Variants in KCNQ3 observed in about 807,000 individuals in gnomAD.
KCNQ3 encodes the protein potassium voltage-gated channel subfamily KQT member 3.
Under a neutral mutation model 92.5 loss-of-function variants are expected in KCNQ3, and 30 were observed. The observed-to-expected ratio is 0.32, with a 90% CI of 0.24 to 0.44. The LOEUF (loss-of-function observed/expected upper bound fraction) is 0.44, where lower values mean the gene tolerates loss of function less well. KCNQ3 is among the 20% of genes least tolerant of loss of function. The probability of loss-of-function intolerance (pLI) is 1.00; values close to 1 mark genes in which losing one functional copy is unlikely to be tolerated. For synonymous variants in KCNQ3, 450 were observed against 468.8 expected (o/e 0.96, Z 0.52); for missense variants, 913 against 1,140.3 (o/e 0.80, Z 2.87).
chr8:132,480,633 C>T lies in KCNQ3; in HGVS notation c.-101G>A. The T allele has an allele frequency of 8.6e-7, 1 of 1,161,756 alleles. No homozygotes were observed. The highest frequency in any genetic ancestry group is 1.1e-6 in the Non-Finnish European group (1 of 922,068). The allele number at this position is 1,161,756 out of a possible 1,614,324, so 72.0% of individuals were successfully genotyped here. A position where few individuals can be genotyped will look rare whatever the true frequency, so the allele number is the denominator to read the frequency against. ...GAGGCGGCGGCGGCGGCTGCAAGCC[C>T]GGGAACTCCAATGCCATGATCCGCG... On this transcript the variant is annotated 5_prime_UTR_variant, in exon 1 of 15. Transcript: ENST00000388996.
At chr8:132,287,222 A>G (rs1288470294) in intron 1 of KCNQ3, among the ~76,000 whole-genome samples, 1 of 152,202 alleles carries the variant, frequency 6.6e-6, no homozygotes, top group Non-Finnish European at 1.5e-5. Context: ...CAGTTCAAAG[A>G]CTGGCTGAGA....
chr8:132,214,994 T>G (rs1376713673), intron 1 of KCNQ3, among the ~76,000 whole-genome samples: 1 of 152,248 alleles, frequency 6.6e-6, no homozygotes, highest in Non-Finnish European at 1.5e-5. Context: ...TTCTGGGACA[T>G]GTGATCACTT....
intron 1 of KCNQ3, among the ~76,000 whole-genome samples, chr8:132,409,188 T>C (rs577223684): frequency 1.3e-5 from 2 of 152,296 alleles, no homozygotes; most frequent in Admixed American, 6.5e-5. Context: ...ATAGCTTTAG[T>C]AGTTTTCAAA....
At chr8:132,191,099 G>A (rs1296691396) in intron 1 of KCNQ3, among the ~76,000 whole-genome samples, 3 of 152,214 alleles carry the variant, frequency 2.0e-5, no homozygotes, top group Admixed American at 1.3e-4. Context: ...CTGGGAGCAC[G>A]ACATGAAAGA....
chr8:132,335,188 G>A (rs895184962), intron 1 of KCNQ3, among the ~76,000 whole-genome samples: 19 of 151,838 alleles, frequency 1.3e-4, no homozygotes, highest in African/African-American at 3.9e-4. Flanking sequence ...CTACAGGTGC[G>A]TGCCACCATG....
At chr8:132,373,436 C>T (rs940735647) in intron 1 of KCNQ3, among the ~76,000 whole-genome samples, 14 of 152,068 alleles carry the variant, frequency 9.2e-5, no homozygotes, top group African/African-American at 2.9e-4. Context: ...CTGGGAATGA[C>T]GTTTATCAAG....
intron 1 of KCNQ3, among the ~76,000 whole-genome samples, chr8:132,262,823 T>C (rs1012062412): frequency 9.9e-5 from 15 of 152,124 alleles, no homozygotes; most frequent in African/African-American, 3.6e-4. Context: ...GTTTTATATG[T>C]TGAAAACTAA....
In KCNQ3 at chr8:132,170,410, C is replaced by A; in HGVS notation, c.1159G>T (p.Ala387Ser). Residue 387 changes from alanine to serine, a missense_variant, in exon 8 of 15, where the codon GCT (alanine) becomes TCT (serine). Physicochemically the swap from Ala to Ser is moderately conservative, Grantham distance 99 (BLOSUM62 1). This residue lies in a region of KCNQ3 where 52 missense variants were observed against 127.7 expected (regional missense o/e 0.41). Coordinates refer to ENST00000388996, the MANE Select transcript of KCNQ3 (RefSeq NM_004519.4). ...AGGTCAATCCTGTTGGGGTTGGTAGCATAATACCTCCAGGCAGCCTGAGGG... is the reference window on the plus strand; with the variant it reads ...AGGTCAATCCTGTTGGGGTTGGTAGAATAATACCTCCAGGCAGCCTGAGGG... ...ELIQAAWRYY[A>S]TNPNRIDLVA... The A allele has an allele frequency of 6.2e-7, 1 of 1,613,644 alleles. No individual in the cohort carries two copies. Among genetic ancestry groups the A allele is most frequent in the Non-Finnish European group, 8.5e-7 (1 of 1,179,810 alleles).
chr8:132,300,236 A>AT (rs202168444), intron 1 of KCNQ3, among the ~76,000 whole-genome samples: 294 of 151,064 alleles, frequency 1.9e-3, no homozygotes, highest in African/African-American at 2.8e-3. Flanking sequence ...AGGTGACACC[A>AT]TTTTTTTTTG....
chr8:132,267,554 A>G (rs1816026860), intron 1 of KCNQ3, among the ~76,000 whole-genome samples: 1 of 152,204 alleles, frequency 6.6e-6, no homozygotes, highest in African/African-American at 2.4e-5. Flanking sequence ...TGCAAAGTCT[A>G]AACTACTCAG....
intron 1 of KCNQ3, among the ~76,000 whole-genome samples, chr8:132,428,399 T>C (rs1399022760): frequency 6.6e-6 from 1 of 152,226 alleles, no homozygotes; most frequent in Non-Finnish European, 1.5e-5. Flanking sequence ...AGGCAACTTA[T>C]TTGAAAAACA....
intron 1 of KCNQ3, among the ~76,000 whole-genome samples, chr8:132,201,065 G>A (rs1827443070): frequency 6.6e-6 from 1 of 151,948 alleles, no homozygotes; most frequent in African/African-American, 2.4e-5. Flanking sequence ...AGTAAGAGGG[G>A]GCCAAACTCA....
At chr8:132,397,671 T>A (rs1022525020) in intron 1 of KCNQ3, among the ~76,000 whole-genome samples, 1 of 152,106 alleles carries the variant, frequency 6.6e-6, no homozygotes, top group Admixed American at 6.5e-5. Context: ...CAGAGGAGAT[T>A]TAAGGAATTT....
intron 8 of KCNQ3, among the ~76,000 whole-genome samples, chr8:132,163,739 A>T (rs1229423124): frequency 6.6e-6 from 1 of 152,130 alleles, no homozygotes; most frequent in Non-Finnish European, 1.5e-5. Flanking sequence ...TCATTCATTT[A>T]TTCATCCAGA....
intron 1 of KCNQ3, among the ~76,000 whole-genome samples, chr8:132,394,371 C>T (rs938716013): frequency 6.6e-6 from 1 of 152,150 alleles, no homozygotes; most frequent in Non-Finnish European, 1.5e-5. Context: ...CAAGAACTTA[C>T]TAGCTATGCA....
In KCNQ3 at chr8:132,403,016, C is replaced by CAAAAAAAAAA. The variant is rs375099145; in HGVS notation, c.386+77121_386+77130dup. Among the ~76,000 whole-genome samples, 296 of 67,464 alleles carry CAAAAAAAAAA rather than the reference C, an allele frequency of 4.4e-3. 32 individuals carry two copies. The highest frequency in any genetic ancestry group is 0.026 in the Middle Eastern group (2 of 78). The allele number at this position is 67,464 out of a possible 152,430, so 44.3% of individuals were successfully genotyped here. On this transcript the variant is annotated intron_variant, in intron 1 of 14. Transcript: ENST00000388996. ...CTGGCAACAGGGCGAGGCACCATCA[C>CAAAAAAAAAA]AAAAAAAAAAAAAAAAGTGTCAATA...
intron 1 of KCNQ3, among the ~76,000 whole-genome samples, chr8:132,404,728 T>C (rs1820433042): frequency 1.3e-5 from 2 of 152,196 alleles, no homozygotes; most frequent in African/African-American, 4.8e-5. Context: ...ACTAAAACTC[T>C]TAAGTAGTCA....
At chr8:132,287,383 T>C (rs1816706737) in intron 1 of KCNQ3, among the ~76,000 whole-genome samples, 2 of 152,194 alleles carry the variant, frequency 1.3e-5, no homozygotes, top group Non-Finnish European at 2.9e-5. Context: ...GTTGAATTTG[T>C]TTTAAATTTG....
At chr8:132,371,646 G>A (rs938614895) in intron 1 of KCNQ3, among the ~76,000 whole-genome samples, 2 of 152,132 alleles carry the variant, frequency 1.3e-5, no homozygotes, top group African/African-American at 2.4e-5. Context: ...TCAGAGGCAG[G>A]GAAGGCGATC....
Sources: allele counts gnomAD v4.1 joint callset (sites outside exome capture counted in the v4.1 genomes callset), GRCh38; gene constraint gnomAD v4.1.1; regional missense constraint gnomAD v4.1.1; transcripts MANE v1.5; gene names NCBI Gene and HGNC (gene_info 2026-07-23, HGNC 2026-07-21).